SMIM10L3: variants seen among roughly 807,000 people sequenced by gnomAD.
SMIM10L3 encodes the protein small integral membrane protein 10 like 3.
the SMIM10L3 span, among the ~76,000 whole-genome samples, chr7:6,347,980 G>T: frequency 6.6e-6 from 1 of 150,630 alleles, no homozygotes; most frequent in East Asian, 1.9e-4. Flanking sequence ...GAGCGATCTC[G>T]GCTCACCGCA....
At chr7:6,335,030 G>A in the SMIM10L3 span, among the ~76,000 whole-genome samples, 32 of 152,164 alleles carry the variant, frequency 2.1e-4, no homozygotes, top group South Asian at 6.6e-3. Flanking sequence ...GCCTCCCAAA[G>A]TGGTGGGATT....
the SMIM10L3 span, among the ~76,000 whole-genome samples, chr7:6,341,476 T>C: frequency 6.1e-5 from 9 of 148,646 alleles, no homozygotes; most frequent in Non-Finnish European, 1.5e-5. Context: ...ATTATTATTA[T>C]GAGCACTGTC....
At chr7:6,348,710 C>T in the SMIM10L3 span, 1 of 422,664 alleles carries the variant, frequency 2.4e-6, no homozygotes, top group South Asian at 6.8e-5. Flanking sequence ...GAGCGGGCGG[C>T]GGCCGAGCGC....
the SMIM10L3 span, chr7:6,329,578 T>C: frequency 2.6e-5 from 4 of 155,758 alleles, no homozygotes; most frequent in African/African-American, 9.6e-5. Context: ...TAAAAACTTA[T>C]GTCCTTAAAT....
At chr7:6,348,899 A>C in the SMIM10L3 span, 53 of 385,818 alleles carry the variant, frequency 1.4e-4, no homozygotes, top group Non-Finnish European at 2.1e-4. Context: ...AGTGGAGCGG[A>C]GTCCGCACGT....
chr7:6,330,415 A>G, the SMIM10L3 span: 1 of 1,614,024 alleles, frequency 6.2e-7, no homozygotes, highest in Middle Eastern at 1.7e-4. Context: ...AAAAGGTTGC[A>G]GAGCCAGTAA....
the SMIM10L3 span, among the ~76,000 whole-genome samples, chr7:6,348,262 A>G: frequency 6.6e-6 from 1 of 151,158 alleles, no homozygotes; most frequent in Admixed American, 6.6e-5. Context: ...TGGGAACTAG[A>G]AAATTCACCC....
At chr7:6,339,103 G>A in the SMIM10L3 span, among the ~76,000 whole-genome samples, 2 of 152,134 alleles carry the variant, frequency 1.3e-5, no homozygotes, top group African/African-American at 2.4e-5. Flanking sequence ...TTCTAAATTA[G>A]GCTGAATCAT....
chr7:6,329,800 GTAAACT>G, the SMIM10L3 span: 1 of 166,832 alleles, frequency 6.0e-6, no homozygotes, highest in African/African-American at 2.4e-5. Context: ...TCTTCTAAAG[GTAAACT>G]TAATATTGCA....
chr7:6,336,592 G>A, the SMIM10L3 span, among the ~76,000 whole-genome samples: 1 of 151,374 alleles, frequency 6.6e-6, no homozygotes, highest in East Asian at 1.9e-4. Flanking sequence ...GCTGAGACAC[G>A]AGAATCACTT....
chr7:6,336,720 C>A, the SMIM10L3 span, among the ~76,000 whole-genome samples: 6 of 151,376 alleles, frequency 4.0e-5, no homozygotes, highest in South Asian at 2.1e-4. Context: ...ATGGCACAGT[C>A]ACGGCTCACT....
At chr7:6,346,289 A>G in the SMIM10L3 span, among the ~76,000 whole-genome samples, 197 of 152,260 alleles carry the variant, frequency 1.3e-3, no homozygotes, top group Admixed American at 3.1e-3. Flanking sequence ...CTAATCAGGT[A>G]TAATTTCAGA....
At chr7:6,343,095 G>C in the SMIM10L3 span, among the ~76,000 whole-genome samples, 4 of 151,116 alleles carry the variant, frequency 2.6e-5, no homozygotes, top group African/African-American at 9.7e-5. Flanking sequence ...AGAAAAAATT[G>C]GCCAGGTGCA....
chr7:6,347,930 G>A, the SMIM10L3 span, among the ~76,000 whole-genome samples: 1 of 103,632 alleles, frequency 9.6e-6, no homozygotes, highest in Admixed American at 9.7e-5. Flanking sequence ...TTATTATTGA[G>A]ATGGAGTTTC....
At chr7:6,339,992 C>G in the SMIM10L3 span, among the ~76,000 whole-genome samples, 1 of 152,158 alleles carries the variant, frequency 6.6e-6, no homozygotes, top group African/African-American at 2.4e-5. Context: ...TCAAGCACTT[C>G]TCCTGCCTCA....
the SMIM10L3 span, chr7:6,330,355 G>A: frequency 1.4e-4 from 228 of 1,581,554 alleles, 2 homozygotes; most frequent in African/African-American, 2.6e-3. Context: ...TTAATCTATT[G>A]GTATTGTTCT....
the SMIM10L3 span, among the ~76,000 whole-genome samples, chr7:6,333,940 G>A: frequency 4.7e-4 from 68 of 145,004 alleles, no homozygotes; most frequent in Admixed American, 1.7e-3. Flanking sequence ...TCCACCTCCC[G>A]GGTTCACGCC....
At chr7:6,330,004 A>C in the SMIM10L3 span, 2 of 237,332 alleles carry the variant, frequency 8.4e-6, no homozygotes, top group South Asian at 1.5e-4. Flanking sequence ...ATCCACTTCC[A>C]TTGGGTGATC....
the SMIM10L3 span, among the ~76,000 whole-genome samples, chr7:6,334,205 G>A: frequency 6.6e-6 from 1 of 151,566 alleles, no homozygotes; most frequent in Non-Finnish European, 1.5e-5. Flanking sequence ...TGGGATTACA[G>A]GTGTGTACCA....
Sources: gnomAD v4.1 joint callset for allele counts (sites outside exome capture counted in the v4.1 genomes callset) on GRCh38, gnomAD v4.1.1 for gene constraint, MANE v1.5 for transcripts, NCBI Gene and HGNC (gene_info 2026-07-23, HGNC 2026-07-21) for gene names.